DGKK: variants seen among roughly 807,000 people sequenced by gnomAD.
The protein encoded by DGKK is 142 kDa diacylglycerol kinase.
In DGKK, 35 loss-of-function variants were observed where a neutral mutation model predicts 92.2. The observed-to-expected ratio is 0.38, with a 90% CI of 0.29 to 0.50. The LOEUF (loss-of-function observed/expected upper bound fraction) is 0.50. Among genes scored for constraint, DGKK ranks in the 20% least tolerant of loss-of-function variants. DGKK has a pLI of 0.92. For synonymous variants in DGKK, 368 were observed against 360.6 expected (o/e 1.02, Z -0.23); for missense variants, 910 against 992.2 (o/e 0.92, Z 1.11).
At position 50,375,178 on chromosome X, in the gene DGKK, G is replaced by A. The variant is rs782175291; in HGVS notation, c.3415-121C>T. 4.3e-5 allele frequency: 21 copies of A among 487,178 alleles called. No homozygotes were observed. The African/African-American group carries it at 4.6e-4, about 11-fold the overall frequency. The allele number at this position is 487,178 out of a possible 1,213,427, so 40.1% of individuals were successfully genotyped here. ...AGCAGGCTAGTAGGATGTGGCTATA[G>A]GTGAAAAAGCAATATTCAAAATATA... is the stretch of plus-strand genomic sequence containing the variant. On this transcript the variant is annotated intron_variant, in intron 24 of 27. Coordinates refer to ENST00000611977, the MANE Select transcript of DGKK (RefSeq NM_001013742.4).
At position 50,367,412 on chromosome X, in the gene DGKK, G is replaced by A. The variant is rs1923999484; in HGVS notation, c.*1528C>T. The A allele has an allele frequency of 1.8e-5, 2 of 111,802 alleles. No individual in the cohort carries two copies. The highest frequency in any genetic ancestry group is 6.5e-5 in the African/African-American group (2 of 30,713). 9.2% of individuals were successfully genotyped at this position (111,802 alleles called of 1,213,427 possible). A position where few individuals can be genotyped will look rare whatever the true frequency, so the allele number is the denominator to read the frequency against. The stretch of plus-strand genomic sequence containing the variant: ...ATTTGGAGCGATTTAGGAATAGTTT[G>A]TTTTCATGAGAAATTTGCAAGAAGA... On this transcript the variant is annotated 3_prime_UTR_variant, in exon 28 of 28. Transcript: ENST00000611977.
intron 1 of DGKK, among the ~76,000 whole-genome samples, chrX:50,440,327 T>C (rs1926137981): frequency 1.8e-5 from 2 of 111,340 alleles, no homozygotes; most frequent in Non-Finnish European, 3.8e-5. Flanking sequence ...CCCAAATTAG[T>C]TACATGACAT....
At chrX:50,398,437 G>A (rs1217785066) in intron 8 of DGKK, among the ~76,000 whole-genome samples, 2 of 112,135 alleles carry the variant, frequency 1.8e-5, no homozygotes, top group East Asian at 5.6e-4. Context: ...ATGCATGATA[G>A]AAAGAAGGGC....
At chrX:50,377,650 T>A (rs1385904145) in intron 22 of DGKK, among the ~76,000 whole-genome samples, 1 of 112,393 alleles carries the variant, frequency 8.9e-6, no homozygotes, top group Non-Finnish European at 1.9e-5. Flanking sequence ...ATGACATGTA[T>A]TAATGCAGCA....
chrX:50,417,333 T>C (rs1557228649), intron 4 of DGKK, among the ~76,000 whole-genome samples: 1 of 110,025 alleles, frequency 9.1e-6, no homozygotes, highest in East Asian at 2.9e-4. Context: ...AGATGGACTT[T>C]TTTGCAAGAA....
At position 50,366,739 on chromosome X, in the gene DGKK, C is replaced by T. The variant is rs1017052129; in HGVS notation, c.*2201G>A. 33 of 111,951 alleles carry T rather than the reference C, an allele frequency of 2.9e-4. No homozygotes were observed. Among genetic ancestry groups the T allele is most frequent in the Middle Eastern group, 4.2e-3 (1 of 237 alleles). The allele number at this position is 111,951 out of a possible 1,213,427, so 9.2% of individuals were successfully genotyped here. On this transcript the variant is annotated 3_prime_UTR_variant, in exon 28 of 28. Transcript: ENST00000611977. ...AAGAAAATGCAACTTGGTTCCCACT[C>T]TGTGAGTGTGTGTGCAGGTGTCAAT... is the stretch of plus-strand genomic sequence containing the variant.
chrX:50,447,651 G>A (rs940726172), intron 1 of DGKK, among the ~76,000 whole-genome samples: 4 of 104,088 alleles, frequency 3.8e-5, no homozygotes, highest in South Asian at 4.5e-4. Context: ...ACCCAACTTG[G>A]CTTAAGGTAG....
intron 10 of DGKK, 120 bp from the exon 11 acceptor site, chrX:50,391,696 G>T: frequency 1.3e-6 from 1 of 798,757 alleles, no homozygotes; most frequent in Non-Finnish European, 1.8e-6. Context: ...GGATTTACGG[G>T]ACTTCAGATT....
Position 50,382,521 on chromosome X carries a change from T to C in DGKK, c.2632A>G (p.Arg878Gly), listed in dbSNP as rs1557224548. 1.7e-6 allele frequency: 2 copies of C among 1,207,937 alleles called. No homozygotes were observed. The highest frequency in any genetic ancestry group is 3.5e-5 in the African/African-American group (2 of 57,213). ...TTGTATTGCCCTGGGTGTTCATCTC[T>C]TCTGGTGTTGAAGTCCAGAGAAATT... ...AKISLDFNTRRDEHPGQYNSR... is the reference protein window; with the variant it reads ...AKISLDFNTRGDEHPGQYNSR... Residue 878 changes from arginine (R) to glycine (G), a missense_variant, in exon 18 of 28, where the codon AGA becomes GGA. Coordinates refer to ENST00000611977, the MANE Select transcript of DGKK (RefSeq NM_001013742.4).
At chrX:50,419,825 G>A (rs1925527798) in intron 4 of DGKK, among the ~76,000 whole-genome samples, 1 of 111,583 alleles carries the variant, frequency 9.0e-6, no homozygotes, top group Admixed American at 9.5e-5. Context: ...GTACCACCAG[G>A]TAAAAAAGAA....
intron 1 of DGKK, among the ~76,000 whole-genome samples, chrX:50,457,231 A>G (rs782632467): frequency 9.0e-6 from 1 of 111,518 alleles, no homozygotes; most frequent in South Asian, 3.8e-4. Context: ...ACAGCTCATT[A>G]ACACCTATAC....
chrX:50,403,056 C>T lies in DGKK; in HGVS notation c.1308+5G>A. ...CTCTAAATATCAAGATGAGAAGAGT[C>T]TTACCGTAGAATTACACCACAGGCA... On this transcript the variant is annotated splice_donor_5th_base_variant and intron_variant, in intron 7 of 27. Coordinates refer to ENST00000611977, the MANE Select transcript of DGKK (RefSeq NM_001013742.4). 1 of 1,210,298 alleles carries T rather than the reference C, an allele frequency of 8.3e-7. No individual in the cohort carries two copies. Among genetic ancestry groups the T allele is most frequent in the South Asian group, 1.8e-5 (1 of 56,411 alleles).
chrX:50,391,839 G>A (rs782389317), intron 10 of DGKK, among the ~76,000 whole-genome samples: 43 of 112,303 alleles, frequency 3.8e-4, no homozygotes, highest in African/African-American at 1.4e-3. Context: ...TCATGGCCAT[G>A]CTTAAAGAAG....
rs782123575 is a variant in DGKK at position 50,470,068 on chromosome X, G to C, written c.611C>G (p.Ser204Trp). 26 of 1,172,330 alleles carry C rather than the reference G, an allele frequency of 2.2e-5. No homozygotes were observed. The South Asian group carries it at 4.6e-4, about 21-fold the overall frequency. Reference sequence around the variant, plus strand: ...GGACCACGACATTGGCGTTCTGGGCGATGGCGATGGCGATGGCGATGGCGA... The same window carrying C: ...GGACCACGACATTGGCGTTCTGGGCCATGGCGATGGCGATGGCGATGGCGA... ...KTSPSPSPSPSPRTPMSWSRI... is the reference protein window; with the variant it reads ...KTSPSPSPSPWPRTPMSWSRI... The change falls in exon 1 of 28, where the codon TCG becomes TGG. Residue 204 changes from serine to tryptophan, a missense_variant. By Grantham distance (177) the Ser-to-Trp change is radical (BLOSUM62 -3). Transcript: ENST00000611977.
At chrX:50,454,648 G>T (rs1229986717) in intron 1 of DGKK, among the ~76,000 whole-genome samples, 1 of 111,306 alleles carries the variant, frequency 9.0e-6, no homozygotes, top group African/African-American at 3.3e-5. Context: ...ATTTGTGTAT[G>T]TTGCTTGCTC....
chrX:50,385,784 G>A (rs955635669), intron 15 of DGKK, among the ~76,000 whole-genome samples: 40 of 111,897 alleles, frequency 3.6e-4, no homozygotes, highest in African/African-American at 1.3e-3. Flanking sequence ...TGGGAAAGAA[G>A]TGGTCAGCAA....
intron 1 of DGKK, among the ~76,000 whole-genome samples, chrX:50,447,835 C>T (rs1285743583): frequency 3.6e-5 from 4 of 109,874 alleles, no homozygotes; most frequent in African/African-American, 9.9e-5. Context: ...GTATTCTTTT[C>T]GGAAATCTTT....
intron 1 of DGKK, among the ~76,000 whole-genome samples, chrX:50,438,777 A>G (rs1926097019): frequency 9.0e-6 from 1 of 111,688 alleles, no homozygotes; most frequent in Non-Finnish European, 1.9e-5. Context: ...GCTAGGAACT[A>G]TGGATAAAGA....
intron 22 of DGKK, 53 bp downstream of exon 22, chrX:50,378,045 A>G (rs1304372514): frequency 8.6e-7 from 1 of 1,159,392 alleles, no homozygotes; most frequent in East Asian, 3.0e-5. Flanking sequence ...TCAGTACTCA[A>G]GTGACTATGG....
Sources: gnomAD v4.1 joint callset for allele counts (sites outside exome capture counted in the v4.1 genomes callset) on GRCh38, gnomAD v4.1.1 for gene constraint, MANE v1.5 for transcripts, NCBI Gene and HGNC (gene_info 2026-07-23, HGNC 2026-07-21) for gene names.